Variants in ZNF287 observed in about 807,000 individuals in gnomAD.
ZNF287 encodes the protein zinc finger protein with KRAB and SCAN domains 13.
ZNF287 carries 31 observed loss-of-function variants against 73.7 expected under a neutral mutation model. That is an observed-to-expected ratio of 0.42 (90% confidence interval 0.32 to 0.57). The LOEUF (loss-of-function observed/expected upper bound fraction) is 0.57. Among genes scored for constraint, ZNF287 ranks in the 20% least tolerant of loss-of-function variants. ZNF287 has a pLI of 0.13. For synonymous variants in ZNF287, 301 were observed against 307.2 expected (o/e 0.98, Z 0.21); for missense variants, 641 against 909.3 (o/e 0.70, Z 3.79).
At chr17:16,555,313 T>C (rs923864567) in intron 5 of ZNF287, among the ~76,000 whole-genome samples, 2 of 152,190 alleles carry the variant, frequency 1.3e-5, no homozygotes, top group African/African-American at 4.8e-5. Context: ...CTATATATGC[T>C]CCATTGTTGT....
intron 1 of ZNF287, 113 bp from the exon 2 acceptor site, chr17:16,568,042 C>T (rs1597476174): frequency 1.0e-6 from 1 of 993,892 alleles, no homozygotes; most frequent in East Asian, 6.4e-5. Flanking sequence ...ATAAGCTTTA[C>T]CTTGTCTTCC....
In ZNF287 at chr17:16,553,200, A is replaced by C; in HGVS notation, c.942T>G (p.Tyr314Ter). The C allele has an allele frequency of 6.2e-7, 1 of 1,600,232 alleles. No homozygotes were observed. Among genetic ancestry groups the C allele is most frequent in the Non-Finnish European group, 8.6e-7 (1 of 1,167,772 alleles). The change falls in exon 6 of 6, where the codon TAT (tyrosine) becomes TAG (stop). Residue 314 changes from tyrosine (Y) to a stop codon, truncating the protein, a stop_gained. Coordinates refer to ENST00000395825, the MANE Select transcript of ZNF287 (RefSeq NM_020653.4). LOFTEE classifies it high-confidence loss of function. ...YDPTEECLSK[Y>*]DIYRNNFEKH... ...TTTCAAAATTATTTCTATATATATC[A>C]TATTTACTAAGACATTCTTCTGTAG...
intron 2 of ZNF287, 111 bp downstream of exon 2, chr17:16,567,218 C>G (rs1209602488): frequency 7.0e-7 from 1 of 1,422,898 alleles, no homozygotes; most frequent in Non-Finnish European, 9.4e-7. Flanking sequence ...AAAAATGCAT[C>G]CTGGACCTCT....
chr17:16,558,521 A>G (rs1162327727), intron 5 of ZNF287, among the ~76,000 whole-genome samples: 1 of 152,142 alleles, frequency 6.6e-6, no homozygotes, highest in Non-Finnish European at 1.5e-5. Flanking sequence ...GGTGGTCTCA[A>G]ATTCCTGAGT....
chr17:16,550,855 C>T lies in ZNF287; in HGVS notation c.*1001G>A, dbSNP rs1906605068. On this transcript the variant is annotated 3_prime_UTR_variant, in exon 6 of 6. Transcript: ENST00000395825. ...AAAATGGGAACTGTATACTTTATACCTACTTTTTTCCTTCAGGATGACCTT... is the reference window on the plus strand; with the variant it reads ...AAAATGGGAACTGTATACTTTATACTTACTTTTTTCCTTCAGGATGACCTT... 1.3e-5 allele frequency among the ~76,000 whole-genome samples: 2 copies of T among 152,086 alleles called. No individual in the cohort carries two copies. Among genetic ancestry groups the T allele is most frequent in the Admixed American group, 1.3e-4 (2 of 15,270 alleles).
At chr17:16,564,912 T>C (rs1907659820) in intron 3 of ZNF287, among the ~76,000 whole-genome samples, 1 of 151,900 alleles carries the variant, frequency 6.6e-6, no homozygotes, top group Admixed American at 6.6e-5. Context: ...AGAGACAGGG[T>C]TTTGCCATGT....
intron 5 of ZNF287, among the ~76,000 whole-genome samples, chr17:16,554,962 GA>G (rs1224247584): frequency 6.7e-6 from 1 of 148,524 alleles, no homozygotes; most frequent in African/African-American, 2.6e-5. Context: ...AATTATGTAG[GA>G]AATTGCCTTT....
chr17:16,560,774 C>T (rs1320208381), intron 5 of ZNF287, among the ~76,000 whole-genome samples: 3 of 151,626 alleles, frequency 2.0e-5, no homozygotes, highest in Non-Finnish European at 4.4e-5. Context: ...GAGGCCGAGG[C>T]GGGTGGATCA....
chr17:16,567,334 T>A lies in ZNF287; in HGVS notation c.398A>T (p.Glu133Val). Residue 133 changes from glutamate (E) to valine (V), a missense_variant, in exon 2 of 6, where the codon GAG becomes GTG. By Grantham distance (121) the Glu-to-Val change is moderately radical (BLOSUM62 -2). Around this residue, in one of 2 missense-constraint regions of ZNF287, gnomAD observed 357 missense variants for 442.4 expected, o/e 0.81. Transcript: ENST00000395825. ...CTCTGCTCTATGATTCTCACCTTCC[T>A]CTTCTAGAATCTGAGTCAAATCCTC... ...LVEDLTQILEEEAPQNSTLSQ... is the reference protein window; with the variant it reads ...LVEDLTQILEVEAPQNSTLSQ... The A allele has an allele frequency of 6.2e-7, 1 of 1,611,226 alleles. No homozygotes were observed.
In ZNF287 at chr17:16,553,354, G is replaced by T. The variant is rs1213663990; in HGVS notation, c.788C>A (p.Thr263Asn). 2 of 1,611,798 alleles carry T rather than the reference G, an allele frequency of 1.2e-6. No individual in the cohort carries two copies. The stretch of plus-strand genomic sequence containing the variant: ...GTCATATGAGTCTTCTAATTTGATG[G>T]TATGGGTTTCTTCCTTTGTGAGTTT... ...MSKLTKEETH[T>N]IKLEDSYDYD... The change falls in exon 6 of 6, where the codon ACC becomes AAC. Residue 263 changes from threonine to asparagine, a missense_variant. By Grantham distance (65) the Thr-to-Asn change is moderately conservative. Around this residue, in one of 2 missense-constraint regions of ZNF287, gnomAD observed 357 missense variants for 442.4 expected, o/e 0.81. Transcript: ENST00000395825.
Position 16,563,799 on chromosome 17 carries a change from A to C in ZNF287, c.528T>G (p.Ala176=), listed in dbSNP as rs752700551. 1 of 1,613,880 alleles carries C rather than the reference A, an allele frequency of 6.2e-7. No individual in the cohort carries two copies. Among genetic ancestry groups the C allele is most frequent in the Non-Finnish European group, 8.5e-7 (1 of 1,179,842 alleles). The change falls in exon 4 of 6, where the codon GCT becomes GCG. Residue 176 remains alanine (A), a synonymous_variant. Coordinates refer to ENST00000395825, the MANE Select transcript of ZNF287 (RefSeq NM_020653.4). The stretch of plus-strand genomic sequence containing the variant: ...CCCAGTCCTCCTGGGTGATGTCTAC[A>C]GCCACATCTTTGAATGTCATCGATT... ...TKESMTFKDV[A]VDITQEDWEL... is the part of the protein sequence containing the mutation.
At chr17:16,560,654 G>T (rs917647788) in intron 5 of ZNF287, among the ~76,000 whole-genome samples, 1 of 151,914 alleles carries the variant, frequency 6.6e-6, no homozygotes, top group African/African-American at 2.4e-5. Flanking sequence ...GGCTGAAAGG[G>T]CTATTCTTTA....
chr17:16,565,080 C>A (rs1368580652), intron 3 of ZNF287, among the ~76,000 whole-genome samples: 1 of 151,600 alleles, frequency 6.6e-6, no homozygotes, highest in East Asian at 2.0e-4. Context: ...GGAGGCCAGG[C>A]GCAGTGGCTC....
Position 16,566,569 on chromosome 17 carries a change from T to G in ZNF287, c.457A>C (p.Lys153Gln), listed in dbSNP as rs756631190. The G allele has an allele frequency of 5.6e-6, 9 of 1,613,286 alleles. No individual in the cohort carries two copies. Residue 153 changes from lysine to glutamine, a missense_variant, in exon 3 of 6, where the codon AAA becomes CAA. Lys to Gln is a moderately conservative substitution (Grantham distance 53). Transcript: ENST00000395825. ...QDTPEEDPRG[K>Q]HAFQTGWLND... ...AGCCATCCTGTCTGGAAAGCATGTT[T>G]TCCTCTGGGGTCTTCCTCTGGGGTA... is the stretch of plus-strand genomic sequence containing the variant.
Position 16,548,594 on chromosome 17 carries a change from G to A in ZNF287, c.*3262C>T, listed in dbSNP as rs1446457731. Among the ~76,000 whole-genome samples the A allele has an allele frequency of 6.6e-6, 1 of 152,050 alleles. No homozygotes were observed. Among genetic ancestry groups the A allele is most frequent in the East Asian group, 1.9e-4 (1 of 5,192 alleles). ...GGGTGGATCACGAGGTCAGGATATC[G>A]AGACAAGCCTGGCTAACACAGTGAA... On this transcript the variant is annotated 3_prime_UTR_variant, in exon 6 of 6. Coordinates refer to ENST00000395825, the MANE Select transcript of ZNF287 (RefSeq NM_020653.4).
rs1378182848 is a variant in ZNF287, at chr17:16,566,469, A to ACT, written c.501+55_501+56insAG. On this transcript the variant is annotated intron_variant, in intron 3 of 5. Transcript: ENST00000395825. ...CAGTAGTTATAGGGCCAGGTCAGAAAATGTCCTCACACACTAAGAAGGCAT... is the reference window on the plus strand; with the variant it reads ...CAGTAGTTATAGGGCCAGGTCAGAAACTATGTCCTCACACACTAAGAAGGCAT... 11 of 1,479,964 alleles carry ACT rather than the reference A, an allele frequency of 7.4e-6. No individual in the cohort carries two copies. In the East Asian group the frequency reaches 1.2e-4, roughly 16 times the overall value. 91.7% of individuals were successfully genotyped at this position (1,479,964 alleles called of 1,614,324 possible).
intron 5 of ZNF287, chr17:16,559,350 C>G (rs1348491321): frequency 6.6e-6 from 1 of 152,138 alleles, no homozygotes; most frequent in Non-Finnish European, 1.5e-5. Context: ...AAATCTTGAA[C>G]TTTCTAGACT....
chr17:16,551,963 T>G lies in ZNF287; in HGVS notation c.2179A>C (p.Thr727Pro). ...TCLIQHQRIH[T>P]GEKPYACRIC... ...CGACATGCATAGGGTTTCTCTCCTG[T>G]GTGAATTCTCTGGTGTTGAATAAGG... Residue 727 changes from threonine to proline, a missense_variant, in exon 6 of 6, where the codon ACA becomes CCA. Around this residue, in one of 2 missense-constraint regions of ZNF287, gnomAD observed 284 missense variants for 466.8 expected, o/e 0.61. Transcript: ENST00000395825. The G allele has an allele frequency of 6.2e-7, 1 of 1,614,164 alleles. No individual in the cohort carries two copies. The highest frequency in any genetic ancestry group is 8.5e-7 in the Non-Finnish European group (1 of 1,180,010).
At chr17:16,558,213 T>C (rs1444375106) in intron 5 of ZNF287, 1 of 152,192 alleles carries the variant, frequency 6.6e-6, no homozygotes, top group Non-Finnish European at 1.5e-5. Context: ...AGAGAAGAAT[T>C]AGCTTTTAAA....
Sources: allele counts gnomAD v4.1 joint callset (sites outside exome capture counted in the v4.1 genomes callset), GRCh38; gene constraint gnomAD v4.1.1; regional missense constraint gnomAD v4.1.1; transcripts MANE v1.5; gene names NCBI Gene and HGNC (gene_info 2026-07-23, HGNC 2026-07-21).